The following TNR variants were observed in gnomAD, a reference collection of about 807,000 sequenced individuals.
The protein encoded by TNR is tenascin R.
TNR carries 45 observed loss-of-function variants against 150.4 expected under a neutral mutation model. The observed-to-expected ratio is 0.30, with a 90% CI of 0.24 to 0.38. TNR has a LOEUF of 0.38. Among genes scored for constraint, TNR ranks in the 10% least tolerant of loss-of-function variants. The pLI is 1.00. For missense variants in TNR, 1,544 were observed against 1,759.1 expected (o/e 0.88, Z 2.19); for synonymous variants, 687 against 678.4 (o/e 1.01, Z -0.20).
intron 2 of TNR, among the ~76,000 whole-genome samples, chr1:175,484,884 T>C (rs141197503): frequency 2.4e-4 from 37 of 152,288 alleles, no homozygotes; most frequent in African/African-American, 8.2e-4. Context: ...TGTGAGCATA[T>C]GATGAGCATC....
intron 2 of TNR, among the ~76,000 whole-genome samples, chr1:175,421,593 T>A (rs908911503): frequency 6.6e-6 from 1 of 152,228 alleles, no homozygotes; most frequent in African/African-American, 2.4e-5. Flanking sequence ...TTCATTAGTC[T>A]AGACCCACAA....
intron 2 of TNR, among the ~76,000 whole-genome samples, chr1:175,516,337 G>T (rs912506102): frequency 2.0e-5 from 3 of 152,316 alleles, no homozygotes; most frequent in South Asian, 4.1e-4. Flanking sequence ...TTTCCGCAAG[G>T]TACCTGGAAG....
At chr1:175,495,249 C>T (rs540793297) in intron 2 of TNR, among the ~76,000 whole-genome samples, 13 of 152,278 alleles carry the variant, frequency 8.5e-5, no homozygotes, top group African/African-American at 2.6e-4. Flanking sequence ...CAAAGAGCTA[C>T]GGGAACCCAG....
At chr1:175,469,402 T>C (rs1437177118) in intron 2 of TNR, among the ~76,000 whole-genome samples, 2 of 152,172 alleles carry the variant, frequency 1.3e-5, no homozygotes, top group East Asian at 3.9e-4. Context: ...TCAGTACAAC[T>C]ATCACTAGTA....
chr1:175,543,742 G>T (rs1660584160), intron 1 of TNR, among the ~76,000 whole-genome samples: 1 of 152,124 alleles, frequency 6.6e-6, no homozygotes, highest in South Asian at 2.1e-4. Context: ...TATTAAAAAG[G>T]TTAATGTTAC....
chr1:175,572,113 T>A (rs1457442579), intron 1 of TNR, among the ~76,000 whole-genome samples: 5 of 152,132 alleles, frequency 3.3e-5, no homozygotes, highest in Non-Finnish European at 7.4e-5. Context: ...GGAACAAAGA[T>A]CATGGGCCGC....
intron 2 of TNR, among the ~76,000 whole-genome samples, chr1:175,510,870 A>G (rs926074778): frequency 3.7e-4 from 57 of 152,336 alleles, no homozygotes; most frequent in African/African-American, 1.1e-3. Flanking sequence ...TTTAGCAAGG[A>G]TATTTTTACA....
At chr1:175,706,892 C>T (rs952299636) in intron 1 of TNR, among the ~76,000 whole-genome samples, 28 of 152,240 alleles carry the variant, frequency 1.8e-4, no homozygotes, top group Admixed American at 1.5e-3. Context: ...GCTTTCTGTC[C>T]TCCATGTGTC....
intron 6 of TNR, among the ~76,000 whole-genome samples, chr1:175,392,346 T>G (rs1376619554): frequency 2.0e-5 from 3 of 152,166 alleles, no homozygotes; most frequent in African/African-American, 7.2e-5. Flanking sequence ...TAATTTACAG[T>G]CATACTCTTA....
chr1:175,674,247 G>T (rs544466082), intron 1 of TNR, among the ~76,000 whole-genome samples: 74 of 152,298 alleles, frequency 4.9e-4, no homozygotes, highest in Admixed American at 9.8e-4. Context: ...AGAAAGGCTG[G>T]GGATGCAGGG....
intron 20 of TNR, among the ~76,000 whole-genome samples, chr1:175,333,029 T>C (rs1291456227): frequency 6.6e-6 from 1 of 152,240 alleles, no homozygotes; most frequent in African/African-American, 2.4e-5. Context: ...TTTGTTCTAG[T>C]GTTTTAGTGG....
intron 9 of TNR, among the ~76,000 whole-genome samples, chr1:175,373,838 T>A (rs1206130086): frequency 1.3e-5 from 2 of 152,198 alleles, no homozygotes; most frequent in Non-Finnish European, 2.9e-5. Flanking sequence ...ATAGGCCCTG[T>A]ATGTCCCAGC....
intron 1 of TNR, among the ~76,000 whole-genome samples, chr1:175,689,497 G>T (rs971872262): frequency 1.3e-5 from 2 of 152,230 alleles, no homozygotes; most frequent in Non-Finnish European, 1.5e-5. Context: ...TTTCATTAAC[G>T]CAGGCTATGG....
intron 1 of TNR, among the ~76,000 whole-genome samples, chr1:175,551,359 T>G (rs1046507999): frequency 6.6e-6 from 1 of 152,174 alleles, no homozygotes; most frequent in South Asian, 2.1e-4. Context: ...CTCAAAAAAG[T>G]TACCTCTGAT....
chr1:175,569,058 A>G (rs1397893700), intron 1 of TNR, among the ~76,000 whole-genome samples: 1 of 152,104 alleles, frequency 6.6e-6, no homozygotes, highest in African/African-American at 2.4e-5. Context: ...GAAGGAGAGG[A>G]AACACAGCAC....
intron 5 of TNR, among the ~76,000 whole-genome samples, chr1:175,394,348 G>A (rs1329874031): frequency 6.6e-6 from 1 of 152,148 alleles, no homozygotes; most frequent in Non-Finnish European, 1.5e-5. Context: ...GGAAAAGAGA[G>A]GCACAGAGAA....
chr1:175,521,755 G>A (rs1659649264), intron 2 of TNR, among the ~76,000 whole-genome samples: 1 of 152,080 alleles, frequency 6.6e-6, no homozygotes, highest in Non-Finnish European at 1.5e-5. Context: ...AATGATTGTG[G>A]CCTCTCCCAT....
At chr1:175,335,536 TA>T in intron 20 of TNR, 174 bp downstream of exon 20, 1 of 608,578 alleles carries the variant, frequency 1.6e-6, no homozygotes. Context: ...CACAGTAAGA[TA>T]AAAACAGATC....
intron 1 of TNR, among the ~76,000 whole-genome samples, chr1:175,667,198 T>C (rs1296121387): frequency 1.3e-5 from 2 of 152,180 alleles, no homozygotes. Context: ...AAGCCAGGCC[T>C]TGTCTCTCCA....
Sources: allele counts gnomAD v4.1 joint callset (sites outside exome capture counted in the v4.1 genomes callset), GRCh38; gene constraint gnomAD v4.1.1; transcripts MANE v1.5; gene names NCBI Gene and HGNC (gene_info 2026-07-23, HGNC 2026-07-21).